Variants in RPL10A observed in about 807,000 individuals in gnomAD.
RPL10A encodes the protein ribosomal protein L10a.
In RPL10A, 11 loss-of-function variants were observed where a neutral mutation model predicts 24.6. That is an observed-to-expected ratio of 0.45 (90% CI 0.28 to 0.74). The LOEUF is 0.74. Among genes scored for constraint, RPL10A ranks in the 30% least tolerant of loss-of-function variants. The pLI, the probability that RPL10A is intolerant of heterozygous loss-of-function variation, is 0.13. For synonymous variants in RPL10A, 98 were observed against 108.5 expected, an observed-to-expected ratio of 0.90 and a Z score of 0.60; for missense variants, 136 against 273.1, an observed-to-expected ratio of 0.50 and a Z score of 3.54.
At chr6:35,469,219 G>A (rs1358044400) in intron 3 of RPL10A, 162 bp from the exon 4 acceptor site, 3 of 1,477,738 alleles carry the variant, frequency 2.0e-6, no homozygotes, top group Non-Finnish European at 2.7e-6. Flanking sequence ...GCGTGGGTAG[G>A]CCTCGGCCGA....
rs776542762 is a variant in RPL10A, at chr6:35,470,502, A to C, written c.484-78A>C. The C allele has an allele frequency of 6.6e-7, 1 of 1,517,704 alleles. No individual in the cohort carries two copies. Among genetic ancestry groups the C allele is most frequent in the East Asian group, 2.3e-5 (1 of 44,170 alleles). 94.0% of individuals were successfully genotyped at this position (1,517,704 alleles called of 1,614,324 possible). A position where few individuals can be genotyped will look rare whatever the true frequency, so the allele number is the denominator to read the frequency against. On this transcript the variant is annotated intron_variant, in intron 5 of 5. Transcript: ENST00000322203. This position sits in a 1 kb window ranked among gnomAD's most constrained non-coding sequence, Gnocchi z 4.6. ...GCCCGGGTCCAAGTACCTGCTCACC[A>C]GGCCACTGGGGGAGGAAGGACAGGC...
At position 35,470,310 on chromosome 6, in the gene RPL10A, G is replaced by A. The variant is rs1186394433; in HGVS notation, c.442G>A (p.Val148Met). The part of the protein sequence containing the change: ...LTHNENMVAK[V>M]DEVKSTIKFQ... ...ACACAACGAAAACATGGTGGCCAAA[G>A]TGGATGAGGTGAAGTCCACAATCAA... Residue 148 changes from valine (V) to methionine (M), a missense_variant, in exon 5 of 6, where the codon GTG (valine) becomes ATG (methionine). Transcript: ENST00000322203. This position sits in a 1 kb window ranked among gnomAD's most constrained non-coding sequence, Gnocchi z 4.6. The A allele has an allele frequency of 1.2e-6, 2 of 1,604,012 alleles. No individual in the cohort carries two copies. Among genetic ancestry groups the A allele is most frequent in the Admixed American group, 1.7e-5 (1 of 60,012 alleles).
At chr6:35,469,685 G>A (rs961390539) in intron 4 of RPL10A, among the ~76,000 whole-genome samples, 156 bp downstream of exon 4, 4 of 152,154 alleles carry the variant, frequency 2.6e-5, no homozygotes, top group Non-Finnish European at 5.9e-5. Flanking sequence ...TTAGCTTTGG[G>A]GTGGTTTGAT....
At position 35,470,182 on chromosome 6, in the gene RPL10A, A is replaced by G; in HGVS notation, c.314A>G (p.Lys105Arg). The G allele has an allele frequency of 6.2e-7, 1 of 1,612,958 alleles. No individual in the cohort carries two copies. Among genetic ancestry groups the G allele is most frequent in the Non-Finnish European group, 8.5e-7 (1 of 1,179,250 alleles). Reference sequence around the variant, plus strand: ...AATGGCTTCCTCTCTCTATCAGCCAAGAAGTATGATGCGTTTTTGGCCTCA... The same window carrying G: ...AATGGCTTCCTCTCTCTATCAGCCAGGAAGTATGATGCGTTTTTGGCCTCA... ...KNKKLVKKLA[K>R]KYDAFLASES... is the part of the protein sequence containing the mutation. Residue 105 changes from lysine (K) to arginine (R), a missense_variant, in exon 5 of 6, where the codon AAG becomes AGG. By Grantham distance (26) the Lys-to-Arg change is conservative. Transcript: ENST00000322203. The surrounding 1 kb of genome is among the most constrained non-coding windows in gnomAD (Gnocchi z 4.6).
chr6:35,469,205 G>C, intron 3 of RPL10A, 176 bp from the exon 4 acceptor site: 1 of 1,469,394 alleles, frequency 6.8e-7, no homozygotes. Flanking sequence ...AAACATGAGG[G>C]GAGGCGTGGG....
In RPL10A at chr6:35,468,406, C is replaced by CT; in HGVS notation, c.-25dup. The CT allele has an allele frequency of 3.7e-6, 6 of 1,614,062 alleles. No individual in the cohort carries two copies. The highest frequency in any genetic ancestry group is 1.3e-5 in the African/African-American group (1 of 75,062). On this transcript the variant is annotated 5_prime_UTR_variant, in exon 1 of 6. Transcript: ENST00000322203. ...GCGCATGCGCAAGACATGCTAGTCTCTTTTCCGGTTAGCGCGGCGTGAGAA... is the reference window on the plus strand; with the variant it reads ...GCGCATGCGCAAGACATGCTAGTCTCTTTTTCCGGTTAGCGCGGCGTGAGAA...
At position 35,468,424 on chromosome 6, in the gene RPL10A, C is replaced by T. The variant is rs1249479648; in HGVS notation, c.-11C>T. The T allele has an allele frequency of 2.5e-6, 4 of 1,614,064 alleles. No homozygotes were observed. Among genetic ancestry groups the T allele is most frequent in the East Asian group, 2.2e-5 (1 of 44,882 alleles). ...CTAGTCTCTTTTCCGGTTAGCGCGG[C>T]GTGAGAAGCCATGAGGTGAGTTGGT... On this transcript the variant is annotated 5_prime_UTR_variant, in exon 1 of 6. Transcript: ENST00000322203.
intron 3 of RPL10A, 59 bp from the exon 4 acceptor site, chr6:35,469,322 A>G (rs1767972218): frequency 6.5e-7 from 1 of 1,527,660 alleles, no homozygotes; most frequent in East Asian, 2.3e-5. Flanking sequence ...CAGACCCTTC[A>G]CCGGCCCTTG....
rs887315199 is a variant in RPL10A, at chr6:35,468,707, G to A, written c.6-92G>A. The A allele has an allele frequency of 1.8e-5, 28 of 1,536,922 alleles. No individual in the cohort carries two copies. In the South Asian group the frequency reaches 3.2e-4, roughly 18 times the overall value. On this transcript the variant is annotated intron_variant, in intron 1 of 5. Transcript: ENST00000322203. ...CGGGGGAGTCCGCCGTGGGCCGCCCGCCCGTCTCGAAGCCTAGACCTCGGA... is the reference window on the plus strand; with the variant it reads ...CGGGGGAGTCCGCCGTGGGCCGCCCACCCGTCTCGAAGCCTAGACCTCGGA...
intron 3 of RPL10A, 99 bp from the exon 4 acceptor site, chr6:35,469,282 C>T (rs1767970539): frequency 6.6e-7 from 1 of 1,508,638 alleles, no homozygotes; most frequent in Non-Finnish European, 8.8e-7. Context: ...TGTGAACGCT[C>T]CGGGTAAGGC....
rs755408144 is a variant in RPL10A, at chr6:35,468,412, C to T, written c.-23C>T. The T allele has an allele frequency of 2.0e-5, 33 of 1,613,948 alleles. No individual in the cohort carries two copies. The East Asian group carries it at 6.2e-4, about 31-fold the overall frequency. On this transcript the variant is annotated 5_prime_UTR_variant, in exon 1 of 6. Transcript: ENST00000322203. ...GCGCAAGACATGCTAGTCTCTTTTCCGGTTAGCGCGGCGTGAGAAGCCATG... is the reference window on the plus strand; with the variant it reads ...GCGCAAGACATGCTAGTCTCTTTTCTGGTTAGCGCGGCGTGAGAAGCCATG...
chr6:35,470,156 C>G lies in RPL10A; in HGVS notation c.311-23C>G. ...TTGGTGACCAGGTTCTAAGCAATGCCAATGGCTTCCTCTCTCTATCAGCCA... is the reference window on the plus strand; with the variant it reads ...TTGGTGACCAGGTTCTAAGCAATGCGAATGGCTTCCTCTCTCTATCAGCCA... On this transcript the variant is annotated intron_variant, in intron 4 of 5. Coordinates refer to ENST00000322203, the MANE Select transcript of RPL10A (RefSeq NM_007104.5). This position sits in a 1 kb window ranked among gnomAD's most constrained non-coding sequence, Gnocchi z 4.6. 1 of 1,605,624 alleles carries G rather than the reference C, an allele frequency of 6.2e-7. No homozygotes were observed. Among genetic ancestry groups the G allele is most frequent in the Admixed American group, 1.7e-5 (1 of 59,636 alleles).
At chr6:35,469,102 CGGAGG>C (rs1263007113) in intron 3 of RPL10A, 75 bp downstream of exon 3, 2 of 1,587,956 alleles carry the variant, frequency 1.3e-6, no homozygotes, top group Non-Finnish European at 1.7e-6. Flanking sequence ...CCCGCTGAGC[CGGAGG>C]CGGGCACGTC....
Position 35,470,191 on chromosome 6 carries a change from A to G in RPL10A, c.323A>G (p.Asp108Gly), listed in dbSNP as rs200246129. The G allele has an allele frequency of 1.2e-6, 2 of 1,613,334 alleles. No individual in the cohort carries two copies. Among genetic ancestry groups the G allele is most frequent in the Non-Finnish European group, 1.7e-6 (2 of 1,179,584 alleles). ...KLVKKLAKKY[D>G]AFLASESLIK... ...CTCTCTCTATCAGCCAAGAAGTATG[A>G]TGCGTTTTTGGCCTCAGAGTCTCTG... Residue 108 changes from aspartate to glycine, a missense_variant, in exon 5 of 6, where the codon GAT (aspartate) becomes GGT (glycine). Transcript: ENST00000322203. This position sits in a 1 kb window ranked among gnomAD's most constrained non-coding sequence, Gnocchi z 4.6.
intron 4 of RPL10A, 102 bp downstream of exon 4, chr6:35,469,631 AG>A: frequency 7.4e-7 from 1 of 1,347,668 alleles, no homozygotes; most frequent in Admixed American, 2.5e-5. Context: ...GGCCTAGAAT[AG>A]CAAAGGATCG....
chr6:35,468,465 C>T (rs201008419), intron 1 of RPL10A, 26 bp downstream of exon 1: 17 of 1,613,928 alleles, frequency 1.1e-5, no homozygotes, highest in Non-Finnish European at 1.4e-5. Flanking sequence ...AAGCCCTATC[C>T]GCGTTCATCC....
rs1459572807 is a variant in RPL10A, at chr6:35,470,531, C to T, written c.484-49C>T. The T allele has an allele frequency of 5.1e-6, 8 of 1,573,768 alleles. No homozygotes were observed. The highest frequency in any genetic ancestry group is 1.1e-5 in the South Asian group (1 of 87,264). ...CACTGGGGGAGGAAGGACAGGCCAT[C>T]TGCTATTCGTCCACCAACCTGACTT... is the stretch of plus-strand genomic sequence containing the variant. On this transcript the variant is annotated intron_variant, in intron 5 of 5. Transcript: ENST00000322203. The surrounding 1 kb of genome is among the most constrained non-coding windows in gnomAD (Gnocchi z 4.6).
chr6:35,469,700 GT>G (rs1254921431), intron 4 of RPL10A, among the ~76,000 whole-genome samples, 171 bp downstream of exon 4: 2 of 152,168 alleles, frequency 1.3e-5, no homozygotes, highest in African/African-American at 2.4e-5. Context: ...TTTGATGTTT[GT>G]ATTGCTATGA....
rs767924983 is a variant in RPL10A, at chr6:35,470,769, C to G, written c.*19C>G. 2 of 1,597,010 alleles carry G rather than the reference C, an allele frequency of 1.3e-6. No individual in the cohort carries two copies. Among genetic ancestry groups the G allele is most frequent in the Non-Finnish European group, 1.7e-6 (2 of 1,177,992 alleles). ...ATATTAAGGCACATTTGAATAAATT[C>G]TATTACCAGTTCCCTCTGTCTGCCT... On this transcript the variant is annotated 3_prime_UTR_variant, in exon 6 of 6. Transcript: ENST00000322203. This position sits in a 1 kb window ranked among gnomAD's most constrained non-coding sequence, Gnocchi z 4.6.
Sources: allele counts gnomAD v4.1 joint callset (sites outside exome capture counted in the v4.1 genomes callset), GRCh38; gene constraint gnomAD v4.1.1; non-coding constraint Gnocchi (gnomAD v3.1); transcripts MANE v1.5; gene names NCBI Gene and HGNC (gene_info 2026-07-23, HGNC 2026-07-21).